RAP1GAP2: variants seen among roughly 807,000 people sequenced by gnomAD.
RAP1GAP2 encodes the protein rap1 GTPase-activating protein 2.
RAP1GAP2 carries 27 observed loss-of-function variants against 95.0 expected under a neutral mutation model. That is an observed-to-expected ratio of 0.28 (90% CI 0.21 to 0.39). The LOEUF is 0.39. Ranked by LOEUF, RAP1GAP2 falls within the 10% of genes least tolerant of loss-of-function variation. The pLI, the probability that RAP1GAP2 is intolerant of heterozygous loss-of-function variation, is 1.00. For synonymous variants in RAP1GAP2, 373 were observed against 380.9 expected (o/e 0.98, Z 0.24); for missense variants, 771 against 970.0 (o/e 0.79, Z 2.72).
chr17:2,979,460 G>GTTTTTTT (rs71153320), intron 8 of RAP1GAP2, among the ~76,000 whole-genome samples: 32 of 78,596 alleles, frequency 4.1e-4, no homozygotes, highest in Non-Finnish European at 5.8e-4. Context: ...GGCGTGTTCT[G>GTTTTTTT]TTTTTTTTTT....
chr17:2,919,780 G>A lies in RAP1GAP2; in HGVS notation c.165+14412G>A, dbSNP rs545882203. 1.2e-4 allele frequency among the ~76,000 whole-genome samples: 19 copies of A among 152,200 alleles called. No homozygotes were observed. The South Asian group carries it at 1.9e-3, about 15-fold the overall frequency. On this transcript the variant is annotated intron_variant, in intron 3 of 24. Coordinates refer to ENST00000254695, the MANE Select transcript of RAP1GAP2 (RefSeq NM_015085.5). Reference sequence around the variant, plus strand: ...TGCAGTAGCGCGATCTCGGCTCACTGCAACCTCTGCCTCCCGGGTTCAAGC... The same window carrying A: ...TGCAGTAGCGCGATCTCGGCTCACTACAACCTCTGCCTCCCGGGTTCAAGC...
chr17:2,921,593 G>A (rs1327380179), intron 3 of RAP1GAP2, among the ~76,000 whole-genome samples: 2 of 151,784 alleles, frequency 1.3e-5, no homozygotes, highest in Non-Finnish European at 2.9e-5. Context: ...CCTTTAAGGT[G>A]TCTGCAGGGT....
intron 2 of RAP1GAP2, among the ~76,000 whole-genome samples, chr17:2,868,053 C>G (rs1345615313): frequency 6.6e-6 from 1 of 152,214 alleles, no homozygotes; most frequent in Non-Finnish European, 1.5e-5. Context: ...GACAGCCTGG[C>G]TTTGCTCGGG....
chr17:2,763,677 C>T (rs1306116325), intron 1 of RAP1GAP2, among the ~76,000 whole-genome samples: 2 of 151,488 alleles, frequency 1.3e-5, no homozygotes, highest in Non-Finnish European at 2.9e-5. Flanking sequence ...GCCTGGGTGA[C>T]ACAGAGAGAC....
chr17:2,971,352 A>G (rs2044860098), intron 8 of RAP1GAP2, among the ~76,000 whole-genome samples: 1 of 152,210 alleles, frequency 6.6e-6, no homozygotes, highest in African/African-American at 2.4e-5. Flanking sequence ...AAGTAATGAC[A>G]TTTATAATAC....
rs1442735416 is a variant in RAP1GAP2, at chr17:3,005,749, T to C, written c.1273-206T>C. On this transcript the variant is annotated intron_variant, in intron 15 of 24. Coordinates refer to ENST00000254695, the MANE Select transcript of RAP1GAP2 (RefSeq NM_015085.5). This position sits in a 1 kb window ranked among gnomAD's most constrained non-coding sequence, Gnocchi z 5.2. ...TGAGCTCCAGTCGTGGAAGTGCCAC[T>C]GTGGCTTCCCAGGACCAGGGAAGCG... Among the ~76,000 whole-genome samples, 1 of 152,184 alleles carries C rather than the reference T, an allele frequency of 6.6e-6. No individual in the cohort carries two copies. Among genetic ancestry groups the C allele is most frequent in the African/African-American group, 2.4e-5 (1 of 41,436 alleles).
Position 3,004,774 on chromosome 17 carries a change from C to T in RAP1GAP2, c.1201-595C>T, listed in dbSNP as rs571990312. Among the ~76,000 whole-genome samples the T allele has an allele frequency of 1.5e-3, 229 of 152,366 alleles. No homozygotes were observed. The highest frequency in any genetic ancestry group is 5.2e-3 in the African/African-American group (215 of 41,584). On this transcript the variant is annotated intron_variant, in intron 14 of 24. Coordinates refer to ENST00000254695, the MANE Select transcript of RAP1GAP2 (RefSeq NM_015085.5). This position sits in a 1 kb window ranked among gnomAD's most constrained non-coding sequence, Gnocchi z 4.1. ...GAGTTTCCGGGGGGCCCTACCCTTC[C>T]GATTCGGCAGGTTTAGGCCAGAGCC...
chr17:2,916,806 C>G (rs919827618), intron 3 of RAP1GAP2, among the ~76,000 whole-genome samples: 8 of 152,190 alleles, frequency 5.3e-5, no homozygotes, highest in Admixed American at 2.0e-4. Flanking sequence ...AACACACAGT[C>G]AGGGCTTCTC....
In RAP1GAP2 at chr17:2,984,988, C is replaced by T; in HGVS notation, c.735C>T (p.Ser245=). The T allele has an allele frequency of 6.2e-7, 1 of 1,606,756 alleles. No homozygotes were observed. Among genetic ancestry groups the T allele is most frequent in the Non-Finnish European group, 8.5e-7 (1 of 1,177,744 alleles). Reference sequence around the variant, plus strand: ...TTTCTTGCCACATTTTCCAGGCCTCCCAAATGATTGTGTCCTATGATGAGC... The same window carrying T: ...TTTCTTGCCACATTTTCCAGGCCTCTCAAATGATTGTGTCCTATGATGAGC... The part of the protein sequence containing the change: ...RFNPVLYPKA[S]QMIVSYDEHE... Residue 245 remains serine (S), a synonymous_variant, in exon 11 of 25, where the codon TCC becomes TCT. Coordinates refer to ENST00000254695, the MANE Select transcript of RAP1GAP2 (RefSeq NM_015085.5).
chr17:3,026,150 C>G, intron 20 of RAP1GAP2, 29 bp downstream of exon 20: 1 of 1,553,404 alleles, frequency 6.4e-7, no homozygotes, highest in Non-Finnish European at 8.9e-7. Flanking sequence ...GAAAGGCCAG[C>G]TTCGGCCACG....
chr17:2,778,416 A>G (rs1341832428), intron 1 of RAP1GAP2, among the ~76,000 whole-genome samples: 2 of 152,094 alleles, frequency 1.3e-5, no homozygotes, highest in Non-Finnish European at 2.9e-5. Context: ...GGGCTGGTCT[A>G]AGTGGGACTG....
At chr17:2,795,794 AGTG>A (rs916322435), upstream of RAP1GAP2, among the ~76,000 whole-genome samples, 2 of 152,000 alleles carry the variant, frequency 1.3e-5, no homozygotes, top group African/African-American at 4.8e-5. Flanking sequence ...GCCTGTGTGA[AGTG>A]GTGTGTGGAT....
chr17:2,822,622 T>G (rs1170818484), intron 2 of RAP1GAP2, among the ~76,000 whole-genome samples: 4 of 131,010 alleles, frequency 3.1e-5, no homozygotes, highest in Admixed American at 2.5e-4. Context: ...ACCCTGTTTT[T>G]TTTTGTTTTT....
intron 8 of RAP1GAP2, among the ~76,000 whole-genome samples, chr17:2,972,891 G>A (rs1167586469): frequency 6.6e-6 from 1 of 152,178 alleles, no homozygotes; most frequent in African/African-American, 2.4e-5. Context: ...TGAGGAATGA[G>A]TTCTTGCTAC....
intron 19 of RAP1GAP2, among the ~76,000 whole-genome samples, chr17:3,021,524 T>C (rs1038499013): frequency 1.4e-5 from 2 of 145,650 alleles, no homozygotes; most frequent in South Asian, 4.6e-4. Context: ...AACCTCTGCC[T>C]CCTGGGTTCA....
At chr17:2,993,227 A>G (rs1844206680) in intron 12 of RAP1GAP2, among the ~76,000 whole-genome samples, 1 of 151,428 alleles carries the variant, frequency 6.6e-6, no homozygotes, top group African/African-American at 2.4e-5. Flanking sequence ...GTCAAAAAAA[A>G]AAAAAAAGGA....
At chr17:2,971,241 T>TA (rs1261168926) in intron 8 of RAP1GAP2, among the ~76,000 whole-genome samples, 26 of 152,288 alleles carry the variant, frequency 1.7e-4, no homozygotes, top group East Asian at 3.9e-4. Context: ...AATAATGATT[T>TA]AAAAAAACCA....
At chr17:2,809,980 T>C (rs2069688580) in intron 2 of RAP1GAP2, among the ~76,000 whole-genome samples, 1 of 149,632 alleles carries the variant, frequency 6.7e-6, no homozygotes, top group South Asian at 2.1e-4. Context: ...TGAGTGTCAA[T>C]AGGGGCTGTC....
chr17:2,877,565 T>C (rs2073142928), intron 2 of RAP1GAP2, among the ~76,000 whole-genome samples: 1 of 152,010 alleles, frequency 6.6e-6, no homozygotes, highest in Non-Finnish European at 1.5e-5. Context: ...CTGGCCAACA[T>C]GGTGAAACCC....
Sources: allele counts gnomAD v4.1 joint callset (sites outside exome capture counted in the v4.1 genomes callset), GRCh38; gene constraint gnomAD v4.1.1; non-coding constraint Gnocchi (gnomAD v3.1); transcripts MANE v1.5; gene names NCBI Gene and HGNC (gene_info 2026-07-23, HGNC 2026-07-21).